Variants in MLLT10 observed in about 807,000 individuals in gnomAD.
MLLT10 encodes the protein MLLT10 histone lysine methyltransferase DOT1L cofactor, also known as protein AF-10.
A neutral mutation model predicts 129.1 loss-of-function variants in MLLT10; 30 were observed. The observed-to-expected ratio is 0.23, with a 90% CI of 0.17 to 0.32. The LOEUF (loss-of-function observed/expected upper bound fraction) is 0.32. Among genes scored for constraint, MLLT10 ranks in the 10% least tolerant of loss-of-function variants. The pLI, the probability that MLLT10 is intolerant of heterozygous loss-of-function variation, is 1.00. For missense variants in MLLT10, 1,119 were observed against 1,268.3 expected, an observed-to-expected ratio of 0.88 and a Z score of 1.79; for synonymous variants, 490 against 446.4, an observed-to-expected ratio of 1.10 and a Z score of -1.23.
chr10:21,702,981 T>C (rs71488418), intron 13 of MLLT10, among the ~76,000 whole-genome samples: 1 of 152,176 alleles, frequency 6.6e-6, no homozygotes, highest in African/African-American at 2.4e-5. Context: ...AGTTGTTTTG[T>C]ATATTCTTTC....
At chr10:21,628,274 C>A (rs1218148937) in intron 8 of MLLT10, among the ~76,000 whole-genome samples, 1 of 152,078 alleles carries the variant, frequency 6.6e-6, no homozygotes, top group Non-Finnish European at 1.5e-5. Context: ...TAGCAATTTA[C>A]CCTGAAATAT....
In MLLT10 at chr10:21,617,124, C is replaced by G; in HGVS notation, c.616C>G (p.Arg206Gly). Residue 206 changes from arginine to glycine, a missense_variant, in exon 8 of 23, where the codon CGG becomes GGG. This residue lies in a region of MLLT10 where 1,004 missense variants were observed against 1,008.7 expected (regional missense o/e 1.00). Coordinates refer to ENST00000307729, the MANE Select transcript of MLLT10 (RefSeq NM_001195626.3). The part of the protein sequence containing the change: ...YHFSKLKKSK[R>G]GSNRSYDQSL... ...TTTTCTTTTTTAGAAAAAGAGCAAACGGGGATCTAATAGGTCATATGATCA... is the reference window on the plus strand; with the variant it reads ...TTTTCTTTTTTAGAAAAAGAGCAAAGGGGGATCTAATAGGTCATATGATCA... 6.6e-7 allele frequency: 1 copy of G among 1,506,814 alleles called. No homozygotes were observed. The highest frequency in any genetic ancestry group is 8.9e-7 in the Non-Finnish European group (1 of 1,122,316). 93.3% of individuals were successfully genotyped at this position (1,506,814 alleles called of 1,614,324 possible). A position where few individuals can be genotyped will look rare whatever the true frequency, so the allele number is the denominator to read the frequency against.
chr10:21,740,749 C>T (rs943802364), intron 22 of MLLT10, among the ~76,000 whole-genome samples: 4 of 152,182 alleles, frequency 2.6e-5, no homozygotes, highest in African/African-American at 9.6e-5. Flanking sequence ...TAAGTGATGG[C>T]ATCGTACCCT....
intron 13 of MLLT10, among the ~76,000 whole-genome samples, chr10:21,693,940 G>C (rs569863191): frequency 6.6e-6 from 1 of 152,078 alleles, no homozygotes. Context: ...TTGTTTTCAA[G>C]TTTGAATTCT....
In MLLT10 at chr10:21,584,843, CAT is replaced by C. The variant is rs567580758; in HGVS notation, c.241-1443_241-1442del. 7.5e-3 allele frequency among the ~76,000 whole-genome samples: 1,139 copies of C among 150,918 alleles called. 4 individuals are homozygous for C. Among genetic ancestry groups the C allele is most frequent in the South Asian group, 0.016 (76 of 4,780 alleles). On this transcript the variant is annotated intron_variant, in intron 3 of 22. Transcript: ENST00000307729. ...ATACATATGTATGTATACATACACA[CAT>C]ATATATACGTATGTGTGTATGTACG... is the stretch of plus-strand genomic sequence containing the variant.
At chr10:21,555,933 C>G (rs1241661799) in intron 3 of MLLT10, among the ~76,000 whole-genome samples, 3 of 151,464 alleles carry the variant, frequency 2.0e-5, no homozygotes, top group Non-Finnish European at 4.4e-5. Context: ...TCCAAAAGTG[C>G]TGGGATTACA....
intron 14 of MLLT10, 64 bp downstream of exon 14, chr10:21,714,014 G>T (rs1401923887): frequency 1.4e-6 from 2 of 1,431,976 alleles, no homozygotes; most frequent in Non-Finnish European, 1.9e-6. Context: ...AGTGAGTTTT[G>T]TTGGAGGAGA....
chr10:21,686,070 A>G (rs1028381032), intron 13 of MLLT10, among the ~76,000 whole-genome samples: 4 of 152,208 alleles, frequency 2.6e-5, no homozygotes, highest in Admixed American at 6.5e-5. Context: ...CTTTTAATAC[A>G]TACTACTTGT....
intron 8 of MLLT10, among the ~76,000 whole-genome samples, chr10:21,649,497 TG>T (rs2048816958): frequency 6.6e-6 from 1 of 152,248 alleles, no homozygotes; most frequent in Admixed American, 6.5e-5. Flanking sequence ...TATTAAGCGG[TG>T]GGCTCAGCAG....
chr10:21,720,827 A>G (rs1477127083), intron 14 of MLLT10, among the ~76,000 whole-genome samples: 1 of 152,242 alleles, frequency 6.6e-6, no homozygotes, highest in Non-Finnish European at 1.5e-5. Context: ...AAGCTAAAAT[A>G]TGAGCGCTTA....
intron 9 of MLLT10, among the ~76,000 whole-genome samples, chr10:21,661,908 ATATT>A (rs1320681137): frequency 6.6e-6 from 1 of 152,150 alleles, no homozygotes; most frequent in Non-Finnish European, 1.5e-5. Flanking sequence ...AATATCTACC[ATATT>A]TATTATTATT....
At chr10:21,557,948 CTTTTTTTTTTTTT>C (rs945740582) in intron 3 of MLLT10, 2 of 104,458 alleles carry the variant, frequency 1.9e-5, no homozygotes, top group Non-Finnish European at 4.1e-5. Flanking sequence ...TTTTTTTTTT[CTTTTTTTTTTTTT>C]TTTTTGGAGA....
At chr10:21,546,440 T>C (rs2036088846) in intron 3 of MLLT10, among the ~76,000 whole-genome samples, 1 of 142,110 alleles carries the variant, frequency 7.0e-6, no homozygotes, top group Admixed American at 7.0e-5. Context: ...AGTCTCACTC[T>C]GTGGCCCAGG....
chr10:21,659,054 CTTGTT>C (rs2049902361), intron 9 of MLLT10, among the ~76,000 whole-genome samples: 1 of 151,618 alleles, frequency 6.6e-6, no homozygotes, highest in Non-Finnish European at 1.5e-5. Flanking sequence ...TTTTTATTGG[CTTGTT>C]TTGTTGTTAT....
Position 21,740,126 on chromosome 10 carries a change from C to A in MLLT10, c.3052C>A (p.Gln1018Lys). The stretch of plus-strand genomic sequence containing the variant: ...GCAGCTGCAGATCCCTGGACCAACA[C>A]AAATACCCATAAACAACCTTCTTGC... ...LQQLQIPGPT[Q>K]IPINNLLAGT... Residue 1018 changes from glutamine (Q) to lysine (K), a missense_variant, in exon 22 of 23, where the codon CAA (glutamine) becomes AAA (lysine). Around this residue, in one of 5 missense-constraint regions of MLLT10, gnomAD observed 1,004 missense variants for 1,008.7 expected, o/e 1.00. Coordinates refer to ENST00000307729, the MANE Select transcript of MLLT10 (RefSeq NM_001195626.3). 2.5e-6 allele frequency: 4 copies of A among 1,614,186 alleles called. No individual in the cohort carries two copies. Among genetic ancestry groups the A allele is most frequent in the Non-Finnish European group, 3.4e-6 (4 of 1,180,046 alleles).
chr10:21,620,718 C>G (rs1408616208), intron 8 of MLLT10, among the ~76,000 whole-genome samples: 1 of 151,870 alleles, frequency 6.6e-6, no homozygotes, highest in Non-Finnish European at 1.5e-5. Flanking sequence ...GAGGCGGAGT[C>G]TTGCTGTTGT....
intron 8 of MLLT10, among the ~76,000 whole-genome samples, chr10:21,638,268 G>GCGGC (rs1391145242): frequency 6.4e-4 from 66 of 102,568 alleles, no homozygotes; most frequent in African/African-American, 2.4e-3. Context: ...GGGGGGAGGG[G>GCGGC]GGCGGGGGCA....
At chr10:21,576,612 C>T (rs1465960168) in intron 3 of MLLT10, among the ~76,000 whole-genome samples, 1 of 151,428 alleles carries the variant, frequency 6.6e-6, no homozygotes, top group African/African-American at 2.4e-5. Flanking sequence ...GTTTACTTTT[C>T]TATCCGTGCT....
At chr10:21,624,550 G>A (rs1392016106) in intron 8 of MLLT10, 2 of 1,179,248 alleles carry the variant, frequency 1.7e-6, no homozygotes, top group South Asian at 1.9e-5. Flanking sequence ...TCTAGAGCCA[G>A]TCGTATCTTG....
Sources: gnomAD v4.1 joint callset for allele counts (sites outside exome capture counted in the v4.1 genomes callset) on GRCh38, gnomAD v4.1.1 for gene constraint, gnomAD v4.1.1 regional missense constraint, MANE v1.5 for transcripts, NCBI Gene and HGNC (gene_info 2026-07-23, HGNC 2026-07-21) for gene names.